CSMD1: variants seen among roughly 807,000 people sequenced by gnomAD.
CSMD1 encodes CUB and sushi domain-containing protein 1.
CSMD1 carries 213 observed loss-of-function variants against 417.5 expected under a neutral mutation model. The ratio of observed to expected loss-of-function variants is 0.51; its 90% CI spans 0.46 to 0.57. The LOEUF is 0.57. CSMD1 is among the 20% of genes least tolerant of loss of function. CSMD1 has a pLI of 0.00. For missense variants in CSMD1, 6,923 were observed against 4,529.7 expected (o/e 1.53, Z -15.17); for synonymous variants, 2,862 against 1,736.8 (o/e 1.65, Z -16.11).
chr8:4,142,064 A>C lies in CSMD1; in HGVS notation c.416-109965T>G, dbSNP rs116983101. On this transcript the variant is annotated intron_variant, in intron 3 of 69. Transcript: ENST00000635120. ...TTAAATGTTTGAATATATAAGTTGAAAAAAAAATAACTCCATACTGGAACA... is the reference window on the plus strand; with the variant it reads ...TTAAATGTTTGAATATATAAGTTGACAAAAAAATAACTCCATACTGGAACA... Among the ~76,000 whole-genome samples the C allele has an allele frequency of 8.0e-5, 12 of 150,826 alleles. No individual in the cohort carries two copies. In the South Asian group the frequency reaches 2.5e-3, roughly 31 times the overall value.
intron 3 of CSMD1, among the ~76,000 whole-genome samples, chr8:4,064,728 C>A (rs547054321): frequency 6.6e-6 from 1 of 152,324 alleles, no homozygotes; most frequent in Non-Finnish European, 1.5e-5. Context: ...CGTACTCAAC[C>A]TTCACAACCG....
intron 68 of CSMD1, 137 bp downstream of exon 68, chr8:2,949,162 A>G: frequency 1.8e-6 from 1 of 564,158 alleles, no homozygotes; most frequent in East Asian, 3.2e-5. Flanking sequence ...TTTTTCATTC[A>G]GCTGTAAAAT....
chr8:4,596,620 T>C (rs770966904), intron 2 of CSMD1, among the ~76,000 whole-genome samples: 8 of 152,232 alleles, frequency 5.3e-5, no homozygotes, highest in Non-Finnish European at 1.2e-4. Context: ...TGCAACATTG[T>C]CTTTGTTAAC....
At chr8:3,389,619 GTGAGGATTATATATTAATGGTTTTAA>G (rs1811223114) in intron 17 of CSMD1, among the ~76,000 whole-genome samples, 1 of 45,908 alleles carries the variant, frequency 2.2e-5, no homozygotes, top group Admixed American at 2.2e-4. Context: ...CTTAGAATAA[GTGAGGATTATATATTAATGGTTTTAA>G]TAAGTGAGGA....
chr8:4,628,972 G>A (rs935593926), intron 2 of CSMD1, among the ~76,000 whole-genome samples: 1 of 152,140 alleles, frequency 6.6e-6, no homozygotes, highest in Admixed American at 6.5e-5. Flanking sequence ...ATATATGTGA[G>A]AGATCTTCTC....
At chr8:4,478,914 G>A (rs1042701788) in intron 2 of CSMD1, among the ~76,000 whole-genome samples, 1 of 152,082 alleles carries the variant, frequency 6.6e-6, no homozygotes, top group African/African-American at 2.4e-5. Flanking sequence ...TTAGTTTCTG[G>A]CAATTGTACT....
intron 1 of CSMD1, among the ~76,000 whole-genome samples, chr8:4,766,540 A>C (rs893901981): frequency 6.6e-6 from 1 of 152,246 alleles, no homozygotes; most frequent in African/African-American, 2.4e-5. Flanking sequence ...CATTGTCAGG[A>C]TAATTGAGAA....
intron 49 of CSMD1, among the ~76,000 whole-genome samples, chr8:3,057,466 G>GTA (rs748547342): frequency 4.4e-4 from 67 of 151,934 alleles, no homozygotes; most frequent in East Asian, 5.8e-4. Context: ...GTGTGTTTGT[G>GTA]TATATATATA....
chr8:4,213,535 G>A (rs1800450752), intron 3 of CSMD1, among the ~76,000 whole-genome samples: 1 of 152,198 alleles, frequency 6.6e-6, no homozygotes, highest in Admixed American at 6.5e-5. Context: ...AGAAATGACA[G>A]ACACACAACG....
At chr8:4,851,383 C>T (rs1328877162) in intron 1 of CSMD1, among the ~76,000 whole-genome samples, 1 of 152,018 alleles carries the variant, frequency 6.6e-6, no homozygotes, top group African/African-American at 2.4e-5. Flanking sequence ...CCCACCAATT[C>T]CTGCTTTTCC....
chr8:3,248,297 TG>T (rs1186550808), intron 26 of CSMD1, among the ~76,000 whole-genome samples: 6 of 116,624 alleles, frequency 5.1e-5, no homozygotes, highest in Non-Finnish European at 1.1e-4. Flanking sequence ...AGGACAGTAC[TG>T]GCTTGCACCT....
intron 5 of CSMD1, among the ~76,000 whole-genome samples, chr8:3,795,272 T>C (rs1233329269): frequency 1.7e-5 from 1 of 59,498 alleles, no homozygotes; most frequent in African/African-American, 5.8e-5. Flanking sequence ...ATATCTATCA[T>C]GTACAGATAT....
In CSMD1 at chr8:4,247,846, C is replaced by A. The variant is rs180904083; in HGVS notation, c.415+172107G>T. On this transcript the variant is annotated intron_variant, in intron 3 of 69. Transcript: ENST00000635120. ...CACTTTGTGACATTATTAATAAATT[C>A]TATCACATCGTTATAGAAATACAAT... Among the ~76,000 whole-genome samples, 71 of 152,256 alleles carry A rather than the reference C, an allele frequency of 4.7e-4. 1 individual carries two copies. Among genetic ancestry groups the A allele is most frequent in the Admixed American group, 1.4e-3 (22 of 15,276 alleles).
intron 2 of CSMD1, among the ~76,000 whole-genome samples, chr8:4,606,659 G>T (rs1242397688): frequency 6.6e-6 from 1 of 152,138 alleles, no homozygotes; most frequent in South Asian, 2.1e-4. Context: ...ACCATGATGT[G>T]TTCTATTCAC....
chr8:4,728,336 C>T (rs1240652943), intron 1 of CSMD1, among the ~76,000 whole-genome samples: 1 of 151,352 alleles, frequency 6.6e-6, no homozygotes, highest in Non-Finnish European at 1.5e-5. Flanking sequence ...TTTAAAAATG[C>T]TCATTTGCTT....
At chr8:4,142,256 G>T (rs1036013978) in intron 3 of CSMD1, among the ~76,000 whole-genome samples, 1 of 151,102 alleles carries the variant, frequency 6.6e-6, no homozygotes, top group East Asian at 1.9e-4. Flanking sequence ...ATACAACAGG[G>T]TTTTCCTTCT....
intron 5 of CSMD1, among the ~76,000 whole-genome samples, chr8:3,826,069 G>A (rs930446204): frequency 6.6e-6 from 1 of 152,114 alleles, no homozygotes; most frequent in South Asian, 2.1e-4. Context: ...GACATCTTTT[G>A]TAACACCCAA....
chr8:4,526,932 C>G (rs1420609850), intron 2 of CSMD1, among the ~76,000 whole-genome samples: 3 of 152,110 alleles, frequency 2.0e-5, no homozygotes, highest in Non-Finnish European at 2.9e-5. Flanking sequence ...GTTAGACAAT[C>G]CTGGTTTTCA....
intron 5 of CSMD1, among the ~76,000 whole-genome samples, chr8:3,952,783 G>T (rs912136756): frequency 6.6e-6 from 1 of 152,092 alleles, no homozygotes; most frequent in South Asian, 2.1e-4. Flanking sequence ...AACAAAAGAA[G>T]TACTTGATTA....
Sources: allele counts gnomAD v4.1 joint callset (sites outside exome capture counted in the v4.1 genomes callset), GRCh38; gene constraint gnomAD v4.1.1; transcripts MANE v1.5; gene names NCBI Gene and HGNC (gene_info 2026-07-23, HGNC 2026-07-21).